Variants in STIM1 observed in about 807,000 individuals in gnomAD.
STIM1 encodes the protein stromal interaction molecule 1.
Under a neutral mutation model 74.7 loss-of-function variants are expected in STIM1, and 25 were observed. The observed-to-expected ratio is 0.33, with a 90% CI of 0.24 to 0.47. The LOEUF (loss-of-function observed/expected upper bound fraction) is 0.47. Among genes scored for constraint, STIM1 ranks in the 20% least tolerant of loss-of-function variants. STIM1 has a pLI of 1.00. For missense variants in STIM1, 728 were observed against 920.8 expected (o/e 0.79, Z 2.71); for synonymous variants, 328 against 348.8 (o/e 0.94, Z 0.66).
At chr11:3,857,681 G>T (rs1266732595) in intron 1 of STIM1, among the ~76,000 whole-genome samples, 1 of 152,116 alleles carries the variant, frequency 6.6e-6, no homozygotes, top group African/African-American at 2.4e-5. Context: ...GCATAAGCAA[G>T]TTCAAATGAG....
At chr11:3,898,774 T>C (rs1211435556) in intron 1 of STIM1, among the ~76,000 whole-genome samples, 1 of 149,524 alleles carries the variant, frequency 6.7e-6, no homozygotes, top group Non-Finnish European at 1.5e-5. Flanking sequence ...AAATAGGGAA[T>C]CCTTTCCCCA....
chr11:3,862,838 TTATACA>T lies in STIM1; in HGVS notation c.139+6434_139+6439del, dbSNP rs1227092945. ...ATATATGTGTGTATAAGATACATACTTATACATATATAAGTATATCTGTAAGTACAC... is the reference window on the plus strand; with the variant it reads ...ATATATGTGTGTATAAGATACATACTTATATAAGTATATCTGTAAGTACAC... On this transcript the variant is annotated intron_variant, in intron 1 of 12. Transcript: ENST00000526596. 9.9e-5 allele frequency among the ~76,000 whole-genome samples: 15 copies of T among 151,902 alleles called. No individual in the cohort carries two copies. The South Asian group carries it at 2.5e-3, about 25-fold the overall frequency.
chr11:4,033,038 G>A lies in STIM1; in HGVS notation c.385+9051G>A, dbSNP rs544985787. ...CCATCTTGAATTGATTTTTGTATAA[G>A]GTGTAAGGAAGGGATCCAGTTTCGG... On this transcript the variant is annotated intron_variant, in intron 3 of 12. Transcript: ENST00000526596. Among the ~76,000 whole-genome samples, 9 of 152,144 alleles carry A rather than the reference G, an allele frequency of 5.9e-5. 1 individual carries two copies. In the South Asian group the frequency reaches 1.9e-3, roughly 32 times the overall value.
chr11:4,050,165 C>T (rs1266116433), intron 3 of STIM1, among the ~76,000 whole-genome samples: 1 of 152,190 alleles, frequency 6.6e-6, no homozygotes, highest in Admixed American at 6.5e-5. Context: ...ATGTACTCAT[C>T]CCTGAACTAA....
At chr11:3,949,835 C>T (rs2093123400) in intron 1 of STIM1, among the ~76,000 whole-genome samples, 1 of 152,034 alleles carries the variant, frequency 6.6e-6, no homozygotes, top group South Asian at 2.1e-4. Context: ...TGATAAAATC[C>T]ACCAATCTTG....
At chr11:3,970,476 G>T (rs577516067) in intron 2 of STIM1, among the ~76,000 whole-genome samples, 9 of 152,050 alleles carry the variant, frequency 5.9e-5, no homozygotes, top group East Asian at 5.8e-4. Context: ...TCAGGGTTTA[G>T]AATGTTGTGT....
At chr11:3,902,108 G>A (rs2092364699) in intron 1 of STIM1, among the ~76,000 whole-genome samples, 1 of 152,158 alleles carries the variant, frequency 6.6e-6, no homozygotes. Flanking sequence ...GGGTAATGGA[G>A]ATGTAGTGAT....
chr11:4,082,887 G>A lies in STIM1; in HGVS notation c.1143G>A (p.Glu381=). The A allele has an allele frequency of 6.2e-7, 1 of 1,613,966 alleles. No homozygotes were observed. Among genetic ancestry groups the A allele is most frequent in the Non-Finnish European group, 8.5e-7 (1 of 1,179,872 alleles). ...TGGGGGCCTCATCTTTGCAGGCTGA[G>A]AAGATAAAAAAGAAGAGAAACACAC... is the stretch of plus-strand genomic sequence containing the variant. ...KQLLVAKEGA[E]KIKKKRNTLF... The change falls in exon 9 of 13, where the codon GAG becomes GAA. Residue 381 remains glutamate (E), a synonymous_variant. Coordinates refer to ENST00000526596, the MANE Select transcript of STIM1 (RefSeq NM_001382567.1).
chr11:3,928,180 T>G (rs1427398539), intron 1 of STIM1, among the ~76,000 whole-genome samples: 1 of 152,190 alleles, frequency 6.6e-6, no homozygotes, highest in African/African-American at 2.4e-5. Context: ...AAGGACATAT[T>G]TTTTCTTTCG....
At chr11:3,991,417 C>T (rs577158506) in intron 2 of STIM1, among the ~76,000 whole-genome samples, 7 of 151,808 alleles carry the variant, frequency 4.6e-5, no homozygotes, top group South Asian at 4.2e-4. Context: ...GCTCTCCTCC[C>T]GCCTTGGCCT....
intron 4 of STIM1, among the ~76,000 whole-genome samples, chr11:4,056,421 C>G (rs1189798468): frequency 6.6e-6 from 1 of 152,248 alleles, no homozygotes; most frequent in Non-Finnish European, 1.5e-5. Flanking sequence ...CAAATATTTA[C>G]TGGGTACCTG....
chr11:3,897,016 T>G (rs2092198745), intron 1 of STIM1, among the ~76,000 whole-genome samples: 1 of 152,190 alleles, frequency 6.6e-6, no homozygotes. Context: ...GTCTAATCTG[T>G]TTTTCTCCCA....
chr11:4,083,749 T>C, intron 10 of STIM1: 3 of 508,660 alleles, frequency 5.9e-6, no homozygotes, highest in Non-Finnish European at 7.1e-6. Context: ...CCCTTCATTC[T>C]TTTTCACTTT....
chr11:3,988,375 G>A lies in STIM1; in HGVS notation c.270+20693G>A, dbSNP rs543552423. Reference sequence around the variant, plus strand: ...TTTCTTTCATAATTGAGATTTTATTGGTTGAGGATCAGTACAAACATTTCA... The same window carrying A: ...TTTCTTTCATAATTGAGATTTTATTAGTTGAGGATCAGTACAAACATTTCA... On this transcript the variant is annotated intron_variant, in intron 2 of 12. Coordinates refer to ENST00000526596, the MANE Select transcript of STIM1 (RefSeq NM_001382567.1). 9.2e-5 allele frequency among the ~76,000 whole-genome samples: 14 copies of A among 152,116 alleles called. No individual in the cohort carries two copies. In the South Asian group the frequency reaches 2.9e-3, roughly 32 times the overall value.
intron 1 of STIM1, chr11:3,903,605 A>G (rs1261477356): frequency 2.6e-5 from 4 of 152,226 alleles, no homozygotes; most frequent in African/African-American, 9.7e-5. Context: ...GGCCCCAGGA[A>G]CCAGGTAGGA....
At position 3,970,598 on chromosome 11, in the gene STIM1, G is replaced by A. The variant is rs1298674756; in HGVS notation, c.270+2916G>A. Reference sequence around the variant, plus strand: ...TTCCACTTACATGAATTTAATACACGTGTTCTTAACAATTATGCTTGGATT... The same window carrying A: ...TTCCACTTACATGAATTTAATACACATGTTCTTAACAATTATGCTTGGATT... On this transcript the variant is annotated intron_variant, in intron 2 of 12. Coordinates refer to ENST00000526596, the MANE Select transcript of STIM1 (RefSeq NM_001382567.1). Among the ~76,000 whole-genome samples, 9 of 148,750 alleles carry A rather than the reference G, an allele frequency of 6.1e-5. No homozygotes were observed. The East Asian group carries it at 1.2e-3, about 19-fold the overall frequency.
In STIM1 at chr11:3,966,950, T is replaced by G. The variant is rs115315186; in HGVS notation, c.140-602T>G. Among the ~76,000 whole-genome samples the G allele has an allele frequency of 4.1e-3, 619 of 152,332 alleles. 2 individuals carry two copies. The highest frequency in any genetic ancestry group is 0.014 in the African/African-American group (587 of 41,570). ...TGTTGTATCAGATGAGCTCGGGACC[T>G]TCAGATATCTAAAAAATATTTGCCT... is the stretch of plus-strand genomic sequence containing the variant. On this transcript the variant is annotated intron_variant, in intron 1 of 12. Transcript: ENST00000526596.
At chr11:4,015,606 G>A (rs1010327887) in intron 2 of STIM1, among the ~76,000 whole-genome samples, 2 of 152,130 alleles carry the variant, frequency 1.3e-5, no homozygotes, top group African/African-American at 2.4e-5. Flanking sequence ...GCTAGGTTGG[G>A]GAAGTTCTCC....
At chr11:3,975,293 A>T (rs2093436213) in intron 2 of STIM1, among the ~76,000 whole-genome samples, 1 of 152,248 alleles carries the variant, frequency 6.6e-6, no homozygotes. Context: ...AGTTCCCAAC[A>T]CAAAGAATTC....
Sources: allele counts gnomAD v4.1 joint callset (sites outside exome capture counted in the v4.1 genomes callset), GRCh38; gene constraint gnomAD v4.1.1; transcripts MANE v1.5; gene names NCBI Gene and HGNC (gene_info 2026-07-23, HGNC 2026-07-21).